Variants in ROBO2 observed in about 807,000 individuals in gnomAD.
ROBO2 encodes the protein roundabout guidance receptor 2.
Under a neutral mutation model 160.8 loss-of-function variants are expected in ROBO2, and 53 were observed. The ratio of observed to expected loss-of-function variants is 0.33; its 90% confidence interval spans 0.26 to 0.41. ROBO2 has a LOEUF of 0.41. ROBO2 is among the 10% of genes least tolerant of loss of function. The pLI is 1.00. For synonymous variants in ROBO2, 664 were observed against 611.7 expected, an observed-to-expected ratio of 1.09 and a Z score of -1.26; for missense variants, 1,577 against 1,722.4, an observed-to-expected ratio of 0.92 and a Z score of 1.49.
At chr3:77,290,603 A>C (rs2061082046) in intron 2 of ROBO2, among the ~76,000 whole-genome samples, 1 of 14,574 alleles carries the variant, frequency 6.9e-5, no homozygotes, top group African/African-American at 8.5e-5. Context: ...CCCAGACGTA[A>C]AGTAAAATTG....
chr3:77,008,186 G>T (rs1280045982), intron 2 of ROBO2, among the ~76,000 whole-genome samples: 1 of 151,934 alleles, frequency 6.6e-6, no homozygotes, highest in East Asian at 1.9e-4. Flanking sequence ...AAGAAGTTCG[G>T]TTTCTTGAAC....
rs181215141 is a variant in ROBO2 at position 76,080,047 on chromosome 3, C to G, written c.109+142445C>G. On this transcript the variant is annotated intron_variant, in intron 2 of 26. Coordinates refer to the ROBO2 transcript ENST00000487694. Reference sequence around the variant, plus strand: ...AGATACAATATTTAAATGCTTTTCCCTTTTGTGTAGAAACATGACACACTG... The same window carrying G: ...AGATACAATATTTAAATGCTTTTCCGTTTTGTGTAGAAACATGACACACTG... Among the ~76,000 whole-genome samples, 199 of 152,180 alleles carry G rather than the reference C, an allele frequency of 1.3e-3. 2 individuals are homozygous for G. The highest frequency in any genetic ancestry group is 3.4e-3 in the Middle Eastern group (1 of 294).
intron 2 of ROBO2, among the ~76,000 whole-genome samples, chr3:76,826,390 T>C (rs1412110083): frequency 6.6e-6 from 1 of 152,114 alleles, no homozygotes; most frequent in African/African-American, 2.4e-5. Flanking sequence ...GTTGTAGTAG[T>C]CATATCATCT....
chr3:76,195,584 T>C (rs957672003), intron 2 of ROBO2, among the ~76,000 whole-genome samples: 1 of 152,126 alleles, frequency 6.6e-6, no homozygotes, highest in African/African-American at 2.4e-5. Context: ...AGATACATAA[T>C]TGTGTGTTGA....
At position 76,461,458 on chromosome 3, in the gene ROBO2, A is replaced by G. The variant is rs943816922; in HGVS notation, c.109+523856A>G. Among the ~76,000 whole-genome samples the G allele has an allele frequency of 2.6e-5, 4 of 152,220 alleles. 1 individual carries two copies. The South Asian group carries it at 6.2e-4, about 24-fold the overall frequency. On this transcript the variant is annotated intron_variant, in intron 2 of 26. Coordinates refer to the ROBO2 transcript ENST00000487694. ...GTATTAGGAAAATTATGATGAAAAT[A>G]TAGAGAAAATTACTGTATCACACAA...
intron 2 of ROBO2, among the ~76,000 whole-genome samples, chr3:75,956,953 A>G (rs140065819): frequency 6.6e-6 from 1 of 151,728 alleles, no homozygotes; most frequent in Admixed American, 6.6e-5. Context: ...AAGTTGATAC[A>G]CGTTGTAGCC....
intron 2 of ROBO2, among the ~76,000 whole-genome samples, chr3:77,026,689 A>G (rs1053852365): frequency 2.0e-5 from 3 of 152,244 alleles, no homozygotes; most frequent in Non-Finnish European, 4.4e-5. Flanking sequence ...TCACTATTTC[A>G]TCTGTGTCAT....
At chr3:76,700,901 T>C (rs1170067013) in intron 2 of ROBO2, among the ~76,000 whole-genome samples, 1 of 152,166 alleles carries the variant, frequency 6.6e-6, no homozygotes, top group Non-Finnish European at 1.5e-5. Flanking sequence ...TGTATACTCA[T>C]TAAATACCAC....
chr3:76,339,551 C>T (rs758644960), intron 2 of ROBO2, among the ~76,000 whole-genome samples: 4 of 152,074 alleles, frequency 2.6e-5, no homozygotes, highest in South Asian at 2.1e-4. Context: ...TGAACATGGG[C>T]GAGACACCTG....
intron 2 of ROBO2, among the ~76,000 whole-genome samples, chr3:76,599,508 A>G (rs1165382528): frequency 6.6e-6 from 1 of 152,186 alleles, no homozygotes; most frequent in Non-Finnish European, 1.5e-5. Context: ...TGCAATGAAC[A>G]TAAGCGTATA....
chr3:76,456,092 A>G (rs1390095254), intron 2 of ROBO2, among the ~76,000 whole-genome samples: 1 of 152,184 alleles, frequency 6.6e-6, no homozygotes, highest in Non-Finnish European at 1.5e-5. Flanking sequence ...ATAGTTATCA[A>G]TGCCTTCTTT....
chr3:76,546,250 A>G (rs2083089976), intron 2 of ROBO2, among the ~76,000 whole-genome samples: 1 of 151,922 alleles, frequency 6.6e-6, no homozygotes, highest in South Asian at 2.1e-4. Flanking sequence ...AAATTTAACT[A>G]CCTATAATTC....
At chr3:77,199,047 A>T (rs2082577344) in intron 2 of ROBO2, among the ~76,000 whole-genome samples, 1 of 152,252 alleles carries the variant, frequency 6.6e-6, no homozygotes. Flanking sequence ...GTAAACAGAT[A>T]AATAAAATAC....
At chr3:76,943,866 A>T (rs1164402165) in intron 2 of ROBO2, among the ~76,000 whole-genome samples, 5 of 152,228 alleles carry the variant, frequency 3.3e-5, no homozygotes, top group Admixed American at 6.5e-5. Context: ...TCTGGAGAAC[A>T]GGAAAGTATA....
At chr3:77,028,189 T>C (rs1347583901) in intron 2 of ROBO2, among the ~76,000 whole-genome samples, 3 of 152,156 alleles carry the variant, frequency 2.0e-5, no homozygotes, top group Non-Finnish European at 4.4e-5. Context: ...AAAACTGTTC[T>C]GCACATGCTC....
At chr3:76,100,019 C>T (rs965409796) in intron 2 of ROBO2, among the ~76,000 whole-genome samples, 1 of 152,174 alleles carries the variant, frequency 6.6e-6, no homozygotes, top group Non-Finnish European at 1.5e-5. Context: ...GATCTGCAAA[C>T]AGCATTGGGC....
chr3:77,111,304 G>A (rs2073546969), intron 2 of ROBO2, among the ~76,000 whole-genome samples: 1 of 151,972 alleles, frequency 6.6e-6, no homozygotes, highest in African/African-American at 2.4e-5. Context: ...CAGGAAGTAT[G>A]TCTACTACTA....
At chr3:77,463,296 T>A (rs945951751) in intron 2 of ROBO2, among the ~76,000 whole-genome samples, 1 of 152,130 alleles carries the variant, frequency 6.6e-6, no homozygotes, top group Non-Finnish European at 1.5e-5. Flanking sequence ...AAATTAAAGG[T>A]CATATTAAAA....
At chr3:77,105,076 C>G (rs1394757875) in intron 2 of ROBO2, among the ~76,000 whole-genome samples, 1 of 152,150 alleles carries the variant, frequency 6.6e-6, no homozygotes, top group African/African-American at 2.4e-5. Flanking sequence ...TTTCTTCATT[C>G]TCGGGTTACT....
Sources: allele counts gnomAD v4.1 joint callset (sites outside exome capture counted in the v4.1 genomes callset), GRCh38; gene constraint gnomAD v4.1.1; transcripts MANE v1.5; gene names NCBI Gene and HGNC (gene_info 2026-07-23, HGNC 2026-07-21).